Variants in ODAD2 observed in about 807,000 individuals in gnomAD.
ODAD2 encodes outer dynein arm docking complex subunit 2, also known as outer dynein arm-docking complex subunit 2.
In ODAD2, 89 loss-of-function variants were observed where a neutral mutation model predicts 106.8. The ratio of observed to expected loss-of-function variants is 0.83; its 90% CI spans 0.70 to 0.99. The LOEUF (loss-of-function observed/expected upper bound fraction) is 0.99, where lower values mean the gene tolerates loss of function less well. Among genes scored for constraint, ODAD2 ranks in the 50% least tolerant of loss-of-function variants. ODAD2 has a pLI of 0.00. For synonymous variants in ODAD2, 404 were observed against 436.2 expected (o/e 0.93, Z 0.92); for missense variants, 1,168 against 1,238.5 (o/e 0.94, Z 0.85).
At chr10:27,901,173 A>G (rs1351172488) in intron 17 of ODAD2, among the ~76,000 whole-genome samples, 1 of 152,220 alleles carries the variant, frequency 6.6e-6, no homozygotes, top group Non-Finnish European at 1.5e-5. Flanking sequence ...ATTCTTAAAG[A>G]AAAGAATTTT....
intron 19 of ODAD2, among the ~76,000 whole-genome samples, chr10:27,858,016 T>C (rs560661614): frequency 1.3e-5 from 2 of 152,312 alleles, no homozygotes; most frequent in East Asian, 3.9e-4. Context: ...GTCACACATG[T>C]AGTTGTGACA....
At chr10:27,954,521 GA>G in intron 10 of ODAD2, among the ~76,000 whole-genome samples, 1 of 152,138 alleles carries the variant, frequency 6.6e-6, no homozygotes, top group South Asian at 2.1e-4. Context: ...ATGAATGAAT[GA>G]ATGAATGAGT....
intron 19 of ODAD2, among the ~76,000 whole-genome samples, chr10:27,841,704 C>T (rs1392283486): frequency 1.3e-5 from 2 of 151,908 alleles, no homozygotes; most frequent in African/African-American, 4.8e-5. Flanking sequence ...AGATCTGCTT[C>T]CAGTCTTTCT....
chr10:27,996,844 T>C (rs1850583110), intron 1 of ODAD2, among the ~76,000 whole-genome samples: 1 of 152,212 alleles, frequency 6.6e-6, no homozygotes, highest in South Asian at 2.1e-4. Context: ...TCACAGTCAT[T>C]CTGTGTAAGG....
chr10:27,841,253 A>C (rs924126461), intron 19 of ODAD2, among the ~76,000 whole-genome samples: 1 of 152,166 alleles, frequency 6.6e-6, no homozygotes, highest in Non-Finnish European at 1.5e-5. Context: ...GGTAGAAAAA[A>C]GGTTTGTGAA....
In ODAD2 at chr10:27,953,684, A is replaced by G. The variant is rs73606016; in HGVS notation, c.1386+7884T>C. Among the ~76,000 whole-genome samples the G allele has an allele frequency of 3.0e-3, 457 of 152,334 alleles. 5 individuals are homozygous for G. Among genetic ancestry groups the G allele is most frequent in the African/African-American group, 0.011 (444 of 41,578 alleles). ...AAATATAAAAAGCAAAATGTAGAAT[A>G]AGAAATAGTAGGATTTCATTTATGT... On this transcript the variant is annotated intron_variant, in intron 10 of 19. Transcript: ENST00000305242.
chr10:27,835,314 C>T lies in ODAD2; in HGVS notation c.3022-22689G>A, dbSNP rs911448237. Among the ~76,000 whole-genome samples the T allele has an allele frequency of 6.6e-5, 10 of 152,264 alleles. No individual in the cohort carries two copies. In the South Asian group the frequency reaches 2.1e-3, roughly 32 times the overall value. On this transcript the variant is annotated intron_variant, in intron 19 of 19. Transcript: ENST00000305242. ...TCTGAGTTGGTTCAATGTACAGGAACGGGACTTTAATTCAGGGAGGTGAGA... is the reference window on the plus strand; with the variant it reads ...TCTGAGTTGGTTCAATGTACAGGAATGGGACTTTAATTCAGGGAGGTGAGA...
At chr10:27,885,653 TATA>T (rs1438124253) in intron 17 of ODAD2, among the ~76,000 whole-genome samples, 70 of 64,086 alleles carry the variant, frequency 1.1e-3, no homozygotes, top group African/African-American at 4.7e-3. Context: ...ATATATTATA[TATA>T]ATATATTATA....
chr10:27,880,203 C>T (rs1431566093), intron 17 of ODAD2, among the ~76,000 whole-genome samples: 5 of 152,178 alleles, frequency 3.3e-5, no homozygotes, highest in Non-Finnish European at 5.9e-5. Context: ...TTTCTAGCTA[C>T]CCTTTATTGC....
chr10:27,906,644 A>G lies in ODAD2; in HGVS notation c.2610+1019T>C, dbSNP rs185922823. On this transcript the variant is annotated intron_variant, in intron 17 of 19. Coordinates refer to ENST00000305242, the MANE Select transcript of ODAD2 (RefSeq NM_018076.5). ...CCCATCAATGATAGACTGGATAAAG[A>G]AAAGGTGGCATTTATACACCATGGA... 4.3e-3 allele frequency among the ~76,000 whole-genome samples: 652 copies of G among 152,344 alleles called. 4 individuals are homozygous for G. Among genetic ancestry groups the G allele is most frequent in the African/African-American group, 0.015 (611 of 41,568 alleles).
At chr10:27,880,946 A>G (rs894670304) in intron 17 of ODAD2, among the ~76,000 whole-genome samples, 1 of 152,298 alleles carries the variant, frequency 6.6e-6, no homozygotes, top group Admixed American at 6.5e-5. Flanking sequence ...CGTGAACCCA[A>G]TGTTTGGAAA....
chr10:27,961,850 A>G, intron 9 of ODAD2, 135 bp from the exon 10 acceptor site: 1 of 678,370 alleles, frequency 1.5e-6, no homozygotes, highest in South Asian at 2.1e-5. Flanking sequence ...GGATTACTTA[A>G]GGCCAAGAGT....
At chr10:27,857,711 C>T (rs967551481) in intron 19 of ODAD2, among the ~76,000 whole-genome samples, 2 of 152,156 alleles carry the variant, frequency 1.3e-5, no homozygotes, top group African/African-American at 4.8e-5. Context: ...AAACCTTAGC[C>T]TTCAGGAGAC....
chr10:27,911,152 T>C (rs1225840263), intron 16 of ODAD2, among the ~76,000 whole-genome samples: 1 of 152,146 alleles, frequency 6.6e-6, no homozygotes, highest in Non-Finnish European at 1.5e-5. Flanking sequence ...TTAGGGACCA[T>C]ATTAAAACAG....
chr10:27,825,395 G>A (rs1836961910), intron 19 of ODAD2, among the ~76,000 whole-genome samples: 1 of 152,198 alleles, frequency 6.6e-6, no homozygotes, highest in Admixed American at 6.5e-5. Flanking sequence ...GGAGACAGCA[G>A]AGAAGAGAAA....
chr10:27,951,945 C>T (rs181463807), intron 10 of ODAD2, among the ~76,000 whole-genome samples: 99 of 151,514 alleles, frequency 6.5e-4, no homozygotes, highest in African/African-American at 2.2e-3. Context: ...TATAGTGGCA[C>T]GCTCCTGTAG....
chr10:27,998,019 G>T (rs1051472418), intron 1 of ODAD2, among the ~76,000 whole-genome samples: 16 of 152,162 alleles, frequency 1.1e-4, no homozygotes, highest in African/African-American at 3.9e-4. Flanking sequence ...ACCACAGATT[G>T]TTTTTCTTTC....
chr10:27,814,117 G>T (rs922685443), intron 19 of ODAD2, among the ~76,000 whole-genome samples: 38 of 152,178 alleles, frequency 2.5e-4, no homozygotes, highest in Non-Finnish European at 5.9e-5. Flanking sequence ...CAATTTGAAG[G>T]GGGAGAAAAA....
intron 17 of ODAD2, among the ~76,000 whole-genome samples, chr10:27,884,192 A>G (rs1009536738): frequency 6.6e-6 from 1 of 152,130 alleles, no homozygotes. Flanking sequence ...CAAACAAGGG[A>G]ACCTCATTAA....
Sources: allele counts gnomAD v4.1 joint callset (sites outside exome capture counted in the v4.1 genomes callset), GRCh38; gene constraint gnomAD v4.1.1; transcripts MANE v1.5; gene names NCBI Gene and HGNC (gene_info 2026-07-23, HGNC 2026-07-21).